EIF2AK4: variants seen among roughly 807,000 people sequenced by gnomAD.
The protein encoded by EIF2AK4 is eukaryotic translation initiation factor 2 alpha kinase 4.
In EIF2AK4, 139 loss-of-function variants were observed where a neutral mutation model predicts 211.1. That is an observed-to-expected ratio of 0.66 (90% confidence interval 0.57 to 0.76). EIF2AK4 has a LOEUF of 0.76. Ranked by LOEUF, EIF2AK4 falls within the 30% of genes least tolerant of loss-of-function variation. The probability of loss-of-function intolerance (pLI) is 0.00; values close to 1 mark genes in which losing one functional copy is unlikely to be tolerated. For synonymous variants in EIF2AK4, 710 were observed against 751.3 expected (o/e 0.94, Z 0.90); for missense variants, 1,664 against 2,043.8 (o/e 0.81, Z 3.58).
chr15:40,031,770 G>A (rs1457135863), intron 35 of EIF2AK4, among the ~76,000 whole-genome samples: 1 of 151,324 alleles, frequency 6.6e-6, no homozygotes, highest in Non-Finnish European at 1.5e-5. Context: ...CTGTCACCCA[G>A]GCTGGAGTGC....
Position 39,953,907 on chromosome 15 carries a change from C to T in EIF2AK4, c.517C>T (p.Arg173Cys), listed in dbSNP as rs181799121. 186 of 1,609,080 alleles carry T rather than the reference C, an allele frequency of 1.2e-4. 2 individuals carry two copies. Among genetic ancestry groups the T allele is most frequent in the Non-Finnish European group, 3.3e-5 (39 of 1,178,284 alleles). Reference sequence around the variant, plus strand: ...ATGATGGTTTGATTTATTTCAGCAACGTGAAATCCTGCATGAGATTCAGAG... The same window carrying T: ...ATGATGGTTTGATTTATTTCAGCAATGTGAAATCCTGCATGAGATTCAGAG... ...EAKRKEEQEQREILHEIQRRK... is the reference protein window; with the variant it reads ...EAKRKEEQEQCEILHEIQRRK... The change falls in exon 5 of 39, where the codon CGT becomes TGT. Residue 173 changes from arginine (R) to cysteine (C), a missense_variant. By Grantham distance (180) the Arg-to-Cys change is radical (BLOSUM62 -3). Coordinates refer to ENST00000263791, the MANE Select transcript of EIF2AK4 (RefSeq NM_001013703.4).
rs576732259 is a variant in EIF2AK4 at position 40,011,068 on chromosome 15, T to C, written c.3694-213T>C. ...TACAACTTTCCCCTTTTAATTCTTT[T>C]GTCAGGGTTTTTCAGATTTTAAAAT... is the stretch of plus-strand genomic sequence containing the variant. On this transcript the variant is annotated intron_variant, in intron 26 of 38. Coordinates refer to ENST00000263791, the MANE Select transcript of EIF2AK4 (RefSeq NM_001013703.4). Among the ~76,000 whole-genome samples the C allele has an allele frequency of 7.2e-5, 11 of 152,276 alleles. No individual in the cohort carries two copies. The East Asian group carries it at 2.1e-3, about 29-fold the overall frequency.
rs764320293 is a variant in EIF2AK4 at position 39,973,719 on chromosome 15, T to C, written c.1788T>C (p.Leu596=). The change falls in exon 11 of 39, where the codon CTT becomes CTC. Residue 596 remains leucine, a synonymous_variant. Transcript: ENST00000263791. The stretch of plus-strand genomic sequence containing the variant: ...TTGAGTTTGAAGAATTACAACTTCT[T>C]GGTAAAGGAGCTTTTGGAGCTGTCA... The part of the protein sequence containing the change: ...YFIEFEELQL[L]GKGAFGAVIK... 2 of 1,614,176 alleles carry C rather than the reference T, an allele frequency of 1.2e-6. No homozygotes were observed. Among genetic ancestry groups the C allele is most frequent in the Non-Finnish European group, 1.7e-6 (2 of 1,179,996 alleles).
At chr15:39,957,324 A>G (rs915244800) in intron 6 of EIF2AK4, among the ~76,000 whole-genome samples, 1 of 152,080 alleles carries the variant, frequency 6.6e-6, no homozygotes, top group East Asian at 1.9e-4. Context: ...TGACCCCAAC[A>G]CTTTGGGATG....
At chr15:40,023,850 C>T (rs1342110537) in intron 32 of EIF2AK4, among the ~76,000 whole-genome samples, 1 of 151,916 alleles carries the variant, frequency 6.6e-6, no homozygotes, top group Non-Finnish European at 1.5e-5. Flanking sequence ...TTTTTAGTTT[C>T]TTCAGGTAGA....
At chr15:39,965,975 G>T in intron 8 of EIF2AK4, 132 bp downstream of exon 8, 1 of 1,262,346 alleles carries the variant, frequency 7.9e-7, no homozygotes, top group East Asian at 2.6e-5. Context: ...TTTGACCAGG[G>T]AGGACAGTGA....
At chr15:39,953,857 T>C in intron 4 of EIF2AK4, 47 bp from the exon 5 acceptor site, 3 of 1,566,776 alleles carry the variant, frequency 1.9e-6, no homozygotes, top group Non-Finnish European at 2.6e-6. Context: ...TTATATGTTG[T>C]ATGGGTTTCA....
Position 39,949,236 on chromosome 15 carries a change from C to T in EIF2AK4, c.481C>T (p.Leu161=). 1 of 1,614,020 alleles carries T rather than the reference C, an allele frequency of 6.2e-7. No homozygotes were observed. The highest frequency in any genetic ancestry group is 8.5e-7 in the Non-Finnish European group (1 of 1,179,980). The change falls in exon 4 of 39, where the codon CTG becomes TTG. Residue 161 remains leucine, a synonymous_variant. Coordinates refer to ENST00000263791, the MANE Select transcript of EIF2AK4 (RefSeq NM_001013703.4). ...ERRAQEEQQR[L]LEAKRKEEQE... is the part of the protein sequence containing the mutation. Reference sequence around the variant, plus strand: ...GCGGGCTCAGGAGGAGCAGCAGAGGCTGTTGGAGGCCAAGCGGAAAGAAGA... The same window carrying T: ...GCGGGCTCAGGAGGAGCAGCAGAGGTTGTTGGAGGCCAAGCGGAAAGAAGA...
intron 22 of EIF2AK4, 44 bp downstream of exon 22, chr15:40,002,832 T>G: frequency 6.2e-7 from 1 of 1,600,154 alleles, no homozygotes; most frequent in South Asian, 1.1e-5. Context: ...CTCATAAGAC[T>G]TTTTTCATCA....
At chr15:40,021,406 G>A (rs1403864983) in intron 31 of EIF2AK4, 1 of 157,792 alleles carries the variant, frequency 6.3e-6, no homozygotes, top group African/African-American at 2.4e-5. Flanking sequence ...CTCCTTCCTT[G>A]CTGACCTGTG....
chr15:39,934,435 A>G, intron 1 of EIF2AK4, 96 bp downstream of exon 1: 1 of 1,453,270 alleles, frequency 6.9e-7, no homozygotes, highest in Non-Finnish European at 9.1e-7. Context: ...CCGCCGCTTT[A>G]GGATCCTGCA....
rs879298953 is a variant in EIF2AK4 at position 39,993,076 on chromosome 15, T to TCATC, written c.2766+255_2766+258dup. 6.4e-3 allele frequency among the ~76,000 whole-genome samples: 427 copies of TCATC among 66,524 alleles called. 1 individual carries two copies. The highest frequency in any genetic ancestry group is 0.014 in the South Asian group (26 of 1,832). 43.6% of individuals were successfully genotyped at this position (66,524 alleles called of 152,430 possible). A position where few individuals can be genotyped will look rare whatever the true frequency, so the allele number is the denominator to read the frequency against. On this transcript the variant is annotated intron_variant, in intron 18 of 38. Transcript: ENST00000263791. The stretch of plus-strand genomic sequence containing the variant: ...TCCATCCATCCATCCATCCATCCAT[T>TCATC]CATCCATCCATCCATCCATCCATCC...
intron 6 of EIF2AK4, among the ~76,000 whole-genome samples, chr15:39,959,430 G>T (rs2034436415): frequency 6.6e-6 from 1 of 152,114 alleles, no homozygotes; most frequent in Non-Finnish European, 1.5e-5. Flanking sequence ...CTTCAGAATT[G>T]TTTCTGCTAC....
intron 1 of EIF2AK4, among the ~76,000 whole-genome samples, chr15:39,936,512 A>G (rs1306434986): frequency 6.6e-6 from 1 of 152,178 alleles, no homozygotes; most frequent in Non-Finnish European, 1.5e-5. Flanking sequence ...TCCCAGGTTC[A>G]AGCGATTCTT....
chr15:40,027,904 A>C (rs946458466), intron 33 of EIF2AK4, among the ~76,000 whole-genome samples: 1 of 151,900 alleles, frequency 6.6e-6, no homozygotes, highest in African/African-American at 2.4e-5. Flanking sequence ...AAAAAAACAA[A>C]AAGAACAACA....
chr15:39,964,014 C>T (rs1394947597), intron 7 of EIF2AK4, among the ~76,000 whole-genome samples: 1 of 152,168 alleles, frequency 6.6e-6, no homozygotes, highest in Non-Finnish European at 1.5e-5. Context: ...TCCCACATTT[C>T]TCAGGTTGCT....
Position 40,005,934 on chromosome 15 carries a change from G to A in EIF2AK4, c.3358-1082G>A, listed in dbSNP as rs139044796. Among the ~76,000 whole-genome samples, 582 of 150,932 alleles carry A rather than the reference G, an allele frequency of 3.9e-3. 2 individuals are homozygous for A. The highest frequency in any genetic ancestry group is 7.4e-3 in the Admixed American group (112 of 15,116). Reference sequence around the variant, plus strand: ...CCCTCTACATCCTTGGGTGGTTTCTGTATCCATGGATCCAACCGAGGATGG... The same window carrying A: ...CCCTCTACATCCTTGGGTGGTTTCTATATCCATGGATCCAACCGAGGATGG... On this transcript the variant is annotated intron_variant, in intron 23 of 38. Coordinates refer to ENST00000263791, the MANE Select transcript of EIF2AK4 (RefSeq NM_001013703.4).
In EIF2AK4 at chr15:39,962,171, A is replaced by C. The variant is rs2034481853; in HGVS notation, c.859+272A>C. Among the ~76,000 whole-genome samples, 3 of 152,316 alleles carry C rather than the reference A, an allele frequency of 2.0e-5. No individual in the cohort carries two copies. In the South Asian group the frequency reaches 6.2e-4, roughly 32 times the overall value. ...TACTTTGGGGGGCCGAGGTGGAAGG[A>C]TTGCTTGAGTCCAGGAGTTCAAAGC... On this transcript the variant is annotated intron_variant, in intron 7 of 38. Transcript: ENST00000263791.
intron 2 of EIF2AK4, among the ~76,000 whole-genome samples, chr15:39,940,719 C>T (rs910204949): frequency 6.6e-6 from 1 of 151,902 alleles, no homozygotes; most frequent in Non-Finnish European, 1.5e-5. Context: ...ATACATGATG[C>T]CTTTTCTGAT....
Sources: allele counts gnomAD v4.1 joint callset (sites outside exome capture counted in the v4.1 genomes callset), GRCh38; gene constraint gnomAD v4.1.1; transcripts MANE v1.5; gene names NCBI Gene and HGNC (gene_info 2026-07-23, HGNC 2026-07-21).